Variants in ZNHIT3 observed in about 807,000 individuals in gnomAD.
ZNHIT3 encodes the protein zinc finger HIT-type containing 3.
A neutral mutation model predicts 19.9 loss-of-function variants in ZNHIT3; 27 were observed. The ratio of observed to expected loss-of-function variants is 1.36; its 90% CI spans 1.00 to 1.87. ZNHIT3 has a LOEUF of 1.87. Among genes scored for constraint, ZNHIT3 ranks in the 40% most tolerant of loss-of-function variants. The pLI, the probability that ZNHIT3 is intolerant of heterozygous loss-of-function variation, is 0.00. For synonymous variants in ZNHIT3, 81 were observed against 65.7 expected (o/e 1.23, Z -1.13); for missense variants, 215 against 185.6 (o/e 1.16, Z -0.92).
chr17:36,486,968 T>G lies in ZNHIT3; in HGVS notation c.118+2T>G. On this transcript the variant is annotated splice_donor_variant, in intron 2 of 4. Coordinates refer to ENST00000617429, the MANE Select transcript of ZNHIT3 (RefSeq NM_004773.4). LOFTEE classifies it high-confidence loss of function. ...TAGTCTGCTTCCGGAAGCACAAAGG[T>G]GAGCCCCGTCCCCGCCAGCCCTCGT... 3 of 1,610,932 alleles carry G rather than the reference T, an allele frequency of 1.9e-6. No individual in the cohort carries two copies. The highest frequency in any genetic ancestry group is 2.5e-6 in the Non-Finnish European group (3 of 1,179,446).
At chr17:36,499,172 G>C (rs761365341), downstream of ZNHIT3, 1 of 1,591,362 alleles carries the variant, frequency 6.3e-7, no homozygotes, top group African/African-American at 1.3e-5. Context: ...TAAGAGGTTT[G>C]CCCAGAAACA....
At chr17:36,490,246 T>C (rs2070696672) in intron 2 of ZNHIT3, 1 of 152,216 alleles carries the variant, frequency 6.6e-6, no homozygotes, top group Non-Finnish European at 1.5e-5. Flanking sequence ...TTTTGATATT[T>C]ATATATGGTG....
rs1268738765 is a variant in ZNHIT3, at chr17:36,493,914, T to G, written c.206-12T>G. 3 of 1,605,124 alleles carry G rather than the reference T, an allele frequency of 1.9e-6. No individual in the cohort carries two copies. The highest frequency in any genetic ancestry group is 2.2e-5 in the East Asian group (1 of 44,862). On this transcript the variant is annotated splice_polypyrimidine_tract_variant and intron_variant, in intron 3 of 4. Coordinates refer to ENST00000617429, the MANE Select transcript of ZNHIT3 (RefSeq NM_004773.4). ...TTTAGCCATGAGCCATTGACTGTTT[T>G]GTATTCCTTAGATGATGATGACTCT...
downstream of ZNHIT3, chr17:36,498,980 C>T: frequency 1.0e-6 from 1 of 1,001,356 alleles, no homozygotes. Flanking sequence ...CCAAGGCCAC[C>T]TGCATTGCAG....
downstream of ZNHIT3, chr17:36,498,067 G>A: frequency 1.8e-6 from 1 of 562,146 alleles, no homozygotes; most frequent in African/African-American, 1.9e-5. Context: ...AAAGATAAAG[G>A]GCTCTGGAAG....
downstream of ZNHIT3, chr17:36,498,037 T>C (rs1329434554): frequency 1.9e-6 from 1 of 525,354 alleles, no homozygotes; most frequent in East Asian, 2.9e-5. Flanking sequence ...GATGCTGAAA[T>C]AATTAGAAGC....
Position 36,495,554 on chromosome 17 carries a change from T to C in ZNHIT3, c.*150T>C. On this transcript the variant is annotated 3_prime_UTR_variant, in exon 5 of 5. Coordinates refer to ENST00000617429, the MANE Select transcript of ZNHIT3 (RefSeq NM_004773.4). ...AGGTCATGCAGGCCTTTACCGGCAT[T>C]GATGTGGCTCATGTTTCAGGCAGAC... 7.5e-7 allele frequency: 1 copy of C among 1,326,456 alleles called. No individual in the cohort carries two copies. The highest frequency in any genetic ancestry group is 9.6e-7 in the Non-Finnish European group (1 of 1,041,550). 82.2% of individuals were successfully genotyped at this position (1,326,456 alleles called of 1,614,324 possible).
chr17:36,491,993 C>G (rs1028346817), intron 2 of ZNHIT3: 1 of 152,232 alleles, frequency 6.6e-6, no homozygotes, highest in East Asian at 1.9e-4. Context: ...GTTCATTGAG[C>G]CACTATGTAT....
chr17:36,491,985 T>C (rs1384819176), intron 2 of ZNHIT3: 2 of 152,256 alleles, frequency 1.3e-5, no homozygotes. Context: ...TCGTAAAGGT[T>C]CATTGAGCCA....
chr17:36,487,578 G>A (rs965775643), intron 2 of ZNHIT3, among the ~76,000 whole-genome samples: 1 of 152,148 alleles, frequency 6.6e-6, no homozygotes, highest in African/African-American at 2.4e-5. Context: ...TGGATCACCT[G>A]AGCCCAGGAG....
In ZNHIT3 at chr17:36,495,749, C is replaced by CA; in HGVS notation, c.*345_*346insA. The CA allele has an allele frequency of 8.0e-7, 1 of 1,247,368 alleles. No individual in the cohort carries two copies. Among genetic ancestry groups the CA allele is most frequent in the Non-Finnish European group, 1.0e-6 (1 of 997,026 alleles). 77.3% of individuals were successfully genotyped at this position (1,247,368 alleles called of 1,614,324 possible). ...GTGTTAATAAAATCAAAACGTGATT[C>CA]TACTGTACATTGCATTATTCATAAT... On this transcript the variant is annotated 3_prime_UTR_variant, in exon 5 of 5. Transcript: ENST00000617429.
chr17:36,486,774 C>T lies in ZNHIT3; in HGVS notation c.75C>T (p.Cys25=). 6.2e-7 allele frequency: 1 copy of T among 1,613,116 alleles called. No homozygotes were observed. The highest frequency in any genetic ancestry group is 1.7e-4 in the Middle Eastern group (1 of 6,058). Residue 25 remains cysteine (C), a synonymous_variant, in exon 1 of 5, where the codon TGC becomes TGT. Transcript: ENST00000617429. ...AGCCCAAATACCGCTGTCCAGCCTG[C>T]CGCGTGCCCTAGTGAGCGGGGAGGT... The part of the protein sequence containing the change: ...LEKPKYRCPA[C]RVPYCSVVCF...
rs1452783968 is a variant in ZNHIT3, at chr17:36,486,756, A to G, written c.57A>G (p.Lys19=). Reference sequence around the variant, plus strand: ...GCGTGATCTGCTTGGAGAAGCCCAAATACCGCTGTCCAGCCTGCCGCGTGC... The same window carrying G: ...GCGTGATCTGCTTGGAGAAGCCCAAGTACCGCTGTCCAGCCTGCCGCGTGC... ...VVCVICLEKP[K]YRCPACRVPY... The change falls in exon 1 of 5, where the codon AAA becomes AAG. Residue 19 remains lysine (K), a synonymous_variant. Coordinates refer to ENST00000617429, the MANE Select transcript of ZNHIT3 (RefSeq NM_004773.4). 6.2e-7 allele frequency: 1 copy of G among 1,613,490 alleles called. No homozygotes were observed. The highest frequency in any genetic ancestry group is 8.5e-7 in the Non-Finnish European group (1 of 1,179,792).
At chr17:36,487,212 G>T (rs1265648546) in intron 2 of ZNHIT3, among the ~76,000 whole-genome samples, 2 of 151,974 alleles carry the variant, frequency 1.3e-5, no homozygotes, top group South Asian at 4.2e-4. Context: ...CTTCTACCCC[G>T]CTTCTCCTTC....
intron 2 of ZNHIT3, among the ~76,000 whole-genome samples, chr17:36,488,212 A>G (rs1292444323): frequency 2.0e-5 from 3 of 151,834 alleles, no homozygotes; most frequent in African/African-American, 7.3e-5. Context: ...TGTACCCAAC[A>G]TCCTCATTTG....
downstream of ZNHIT3, chr17:36,496,014 T>A: frequency 1.3e-6 from 1 of 790,796 alleles, no homozygotes; most frequent in East Asian, 2.8e-5. Context: ...GCCCTGATGT[T>A]TCTTAACCCT....
chr17:36,494,757 G>C (rs1341159335), intron 4 of ZNHIT3, among the ~76,000 whole-genome samples: 1 of 152,102 alleles, frequency 6.6e-6, no homozygotes, highest in East Asian at 1.9e-4. Flanking sequence ...ATGCCAAATG[G>C]CATGCTTAGA....
intron 4 of ZNHIT3, among the ~76,000 whole-genome samples, chr17:36,494,459 C>T (rs953288435): frequency 6.6e-6 from 1 of 152,228 alleles, no homozygotes; most frequent in Non-Finnish European, 1.5e-5. Flanking sequence ...GCCCTTAACA[C>T]AAACTGGTTA....
intron 2 of ZNHIT3, 45 bp from the exon 3 acceptor site, chr17:36,492,768 G>A (rs765433459): frequency 3.8e-6 from 6 of 1,572,290 alleles, no homozygotes; most frequent in East Asian, 4.5e-5. Context: ...CAGCCTTGTC[G>A]CTGAAATGGA....
Sources: allele counts gnomAD v4.1 joint callset (sites outside exome capture counted in the v4.1 genomes callset), GRCh38; gene constraint gnomAD v4.1.1; transcripts MANE v1.5; gene names NCBI Gene and HGNC (gene_info 2026-07-23, HGNC 2026-07-21).